The following MMP17 variants were observed in gnomAD, a reference collection of about 807,000 sequenced individuals.
MMP17 encodes the protein matrix metallopeptidase 17, also known as matrix metalloproteinase-17.
Under a neutral mutation model 49.1 loss-of-function variants are expected in MMP17, and 54 were observed. That is an observed-to-expected ratio of 1.10 (90% CI 0.88 to 1.38). The LOEUF is 1.38. Ranked by LOEUF, MMP17 falls within the 40% of genes most tolerant of loss-of-function variation. The probability of loss-of-function intolerance (pLI) is 0.00; values close to 1 mark genes in which losing one functional copy is unlikely to be tolerated. For missense variants in MMP17, 837 were observed against 853.7 expected (o/e 0.98, Z 0.24); for synonymous variants, 397 against 383.1 (o/e 1.04, Z -0.42).
intron 8 of MMP17, among the ~76,000 whole-genome samples, chr12:131,848,160 A>G (rs2136342221): frequency 6.6e-6 from 1 of 152,146 alleles, no homozygotes; most frequent in East Asian, 1.9e-4. Context: ...ATCTCAGCTC[A>G]CTGCGGCCTC....
In MMP17 at chr12:131,850,859, G is replaced by A. The variant is rs532289797; in HGVS notation, c.1463-66G>A. 788 of 1,258,382 alleles carry A rather than the reference G, an allele frequency of 6.3e-4. 5 individuals carry two copies. In the African/African-American group the frequency reaches 0.011, roughly 18 times the overall value. The allele number at this position is 1,258,382 out of a possible 1,614,324, so 78.0% of individuals were successfully genotyped here. On this transcript the variant is annotated intron_variant, in intron 9 of 9. Transcript: ENST00000360564. Reference sequence around the variant, plus strand: ...TCCCTGAGCCCAACGCTCCCTCCTCGCTGTCCGGCTCGAGCCCCTCCTGCT... The same window carrying A: ...TCCCTGAGCCCAACGCTCCCTCCTCACTGTCCGGCTCGAGCCCCTCCTGCT...
chr12:131,850,871 G>A (rs552290655), intron 9 of MMP17, 54 bp from the exon 10 acceptor site: 109 of 1,345,250 alleles, frequency 8.1e-5, no homozygotes, highest in Middle Eastern at 5.8e-4. Flanking sequence ...TGTCCGGCTC[G>A]AGCCCCTCCT....
intron 4 of MMP17, among the ~76,000 whole-genome samples, chr12:131,841,277 CA>C (rs1887393267): frequency 1.3e-5 from 2 of 152,234 alleles, no homozygotes; most frequent in South Asian, 4.1e-4. Context: ...CTTGTGGGGC[CA>C]GGGGTCAGTG....
At position 131,846,837 on chromosome 12, in the gene MMP17, G is replaced by GC. The variant is rs1887724870; in HGVS notation, c.1204+1390dup. 6.6e-6 allele frequency among the ~76,000 whole-genome samples: 1 copy of GC among 152,272 alleles called. No individual in the cohort carries two copies. The highest frequency in any genetic ancestry group is 6.5e-5 in the Admixed American group (1 of 15,298). ...GTCACGGGCGGGACCCCGTTTCCTT[G>GC]CCGAGGTAAAGGGTGTTCTGCGTGT... On this transcript the variant is annotated intron_variant, in intron 8 of 9. Transcript: ENST00000360564. The surrounding 1 kb of genome is among the most constrained non-coding windows in gnomAD (Gnocchi z 4.6).
chr12:131,841,911 C>G (rs1887437234), intron 5 of MMP17, 111 bp downstream of exon 5: 2 of 1,231,234 alleles, frequency 1.6e-6, no homozygotes, highest in Non-Finnish European at 2.2e-6. Flanking sequence ...GCTGTTCCCT[C>G]CACGGATGGT....
At chr12:131,833,940 A>C (rs751346489) in intron 1 of MMP17, among the ~76,000 whole-genome samples, 12 of 152,254 alleles carry the variant, frequency 7.9e-5, no homozygotes, top group Non-Finnish European at 1.8e-4. Flanking sequence ...AAACCGTCAA[A>C]GGGAATTCTG....
intron 6 of MMP17, 117 bp downstream of exon 6, chr12:131,844,198 C>T: frequency 1.3e-6 from 1 of 797,736 alleles, no homozygotes; most frequent in Non-Finnish European, 2.0e-6. Flanking sequence ...AGCTGTGTGG[C>T]CGACTGAGCC....
At chr12:131,847,146 C>T (rs1182896983) in intron 8 of MMP17, among the ~76,000 whole-genome samples, 2 of 150,792 alleles carry the variant, frequency 1.3e-5, no homozygotes, top group South Asian at 2.1e-4. Flanking sequence ...CGCGCAGTGG[C>T]TCACGCCTGC....
In MMP17 at chr12:131,849,829, A is replaced by G; in HGVS notation, c.1232A>G (p.Asn411Ser). 1 of 1,613,834 alleles carries G rather than the reference A, an allele frequency of 6.2e-7. No individual in the cohort carries two copies. The highest frequency in any genetic ancestry group is 8.5e-7 in the Non-Finnish European group (1 of 1,179,954). ...KGDRYWVFKDNNVEEGYPRPV... is the reference protein window; with the variant it reads ...KGDRYWVFKDSNVEEGYPRPV... Reference sequence around the variant, plus strand: ...GACAGGTACTGGGTGTTCAAGGACAATAACGTAGAGGAAGGATACCCGCGC... The same window carrying G: ...GACAGGTACTGGGTGTTCAAGGACAGTAACGTAGAGGAAGGATACCCGCGC... Residue 411 changes from asparagine to serine, a missense_variant, in exon 9 of 10, where the codon AAT (asparagine) becomes AGT (serine). Physicochemically the swap from Asn to Ser is conservative, Grantham distance 46 (BLOSUM62 1). Coordinates refer to ENST00000360564, the MANE Select transcript of MMP17 (RefSeq NM_016155.7).
rs372178302 is a variant in MMP17 at position 131,847,148 on chromosome 12, C to T, written c.1204+1699C>T. On this transcript the variant is annotated intron_variant, in intron 8 of 9. Coordinates refer to ENST00000360564, the MANE Select transcript of MMP17 (RefSeq NM_016155.7). The stretch of plus-strand genomic sequence containing the variant: ...AACCAAAATGTCACGCGCAGTGGCT[C>T]ACGCCTGCAATCCCAGCATTTTGGG... Among the ~76,000 whole-genome samples, 10 of 151,128 alleles carry T rather than the reference C, an allele frequency of 6.6e-5. No individual in the cohort carries two copies. In the South Asian group the frequency reaches 8.3e-4, roughly 13 times the overall value.
At position 131,849,897 on chromosome 12, in the gene MMP17, G is replaced by C; in HGVS notation, c.1300G>C (p.Ala434Pro). ...CCTCCCGCCTGGCGGCATCGACGCTGCCTTCTCCTGGGCCCACAATGACAG... is the reference window on the plus strand; with the variant it reads ...CCTCCCGCCTGGCGGCATCGACGCTCCCTTCTCCTGGGCCCACAATGACAG... ...FSLPPGGIDA[A>P]FSWAHNDRTY... is the part of the protein sequence containing the mutation. Residue 434 changes from alanine (A) to proline (P), a missense_variant, in exon 9 of 10, where the codon GCC becomes CCC. Coordinates refer to ENST00000360564, the MANE Select transcript of MMP17 (RefSeq NM_016155.7). 25 of 1,614,060 alleles carry C rather than the reference G, an allele frequency of 1.5e-5. No homozygotes were observed. Among genetic ancestry groups the C allele is most frequent in the Non-Finnish European group, 2.1e-5 (25 of 1,180,024 alleles).
chr12:131,832,763 A>C (rs932615145), intron 1 of MMP17, among the ~76,000 whole-genome samples: 1 of 152,058 alleles, frequency 6.6e-6, no homozygotes, highest in African/African-American at 2.4e-5. Flanking sequence ...TCCCCTCCTC[A>C]TGTTGGCCCC....
Position 131,840,432 on chromosome 12 carries a change from C to T in MMP17, c.423-141C>T, listed in dbSNP as rs1887326356. The T allele has an allele frequency of 4.6e-6, 4 of 871,854 alleles. No individual in the cohort carries two copies. The Admixed American group carries it at 9.5e-5, about 21-fold the overall frequency. 54.0% of individuals were successfully genotyped at this position (871,854 alleles called of 1,614,324 possible). A position where few individuals can be genotyped will look rare whatever the true frequency, so the allele number is the denominator to read the frequency against. On this transcript the variant is annotated intron_variant, in intron 3 of 9. Transcript: ENST00000360564. ...ACCGCCGTGAGTGCATCGGATGACTCCTGGCGTGGGGAGGAAGGCGGAAGA... is the reference window on the plus strand; with the variant it reads ...ACCGCCGTGAGTGCATCGGATGACTTCTGGCGTGGGGAGGAAGGCGGAAGA...
intron 1 of MMP17, among the ~76,000 whole-genome samples, chr12:131,830,336 G>A (rs758682889): frequency 6.6e-6 from 1 of 152,152 alleles, no homozygotes; most frequent in Non-Finnish European, 1.5e-5. Flanking sequence ...ACCGAGCGGA[G>A]GATGTGGCTC....
Position 131,841,875 on chromosome 12 carries a change from C to T in MMP17, c.883+75C>T, listed in dbSNP as rs908639163. ...AAACCCCAGGCACCCCTGAGCAGAG[C>T]CCCCCCGGGAGGGTTTGCTCTCCCC... On this transcript the variant is annotated intron_variant, in intron 5 of 9. Transcript: ENST00000360564. The T allele has an allele frequency of 7.6e-6, 11 of 1,438,832 alleles. No individual in the cohort carries two copies. The African/African-American group carries it at 9.8e-5, about 13-fold the overall frequency. The allele number at this position is 1,438,832 out of a possible 1,614,324, so 89.1% of individuals were successfully genotyped here.
intron 5 of MMP17, 79 bp downstream of exon 5, chr12:131,841,879 C>A (rs1237697583): frequency 1.4e-6 from 2 of 1,439,402 alleles, no homozygotes; most frequent in African/African-American, 1.4e-5. Context: ...GCAGAGCCCC[C>A]CCGGGAGGGT....
intron 9 of MMP17, 112 bp downstream of exon 9, chr12:131,850,171 T>C (rs1175537342): frequency 3.6e-6 from 5 of 1,391,042 alleles, no homozygotes; most frequent in Non-Finnish European, 4.7e-6. Flanking sequence ...CCCCGGTCGG[T>C]GTGGGCTCTG....
At chr12:131,840,406 A>C in intron 3 of MMP17, 167 bp from the exon 4 acceptor site, 1 of 661,990 alleles carries the variant, frequency 1.5e-6, no homozygotes, top group Non-Finnish European at 2.5e-6. Context: ...GAACTACTGG[A>C]ACCGCCGTGA....
In MMP17 at chr12:131,850,819, C is replaced by T. The variant is rs1887933994; in HGVS notation, c.1463-106C>T. ...CTGCTGTCTGGCCCGACTCGAGCCC[C>T]TTCCGCTGCAGCCCTCCCTGAGCCC... On this transcript the variant is annotated intron_variant, in intron 9 of 9. Coordinates refer to ENST00000360564, the MANE Select transcript of MMP17 (RefSeq NM_016155.7). 1.5e-5 allele frequency: 13 copies of T among 865,096 alleles called. No homozygotes were observed. The South Asian group carries it at 3.3e-4, about 22-fold the overall frequency. 53.6% of individuals were successfully genotyped at this position (865,096 alleles called of 1,614,324 possible).
Sources: gnomAD v4.1 joint callset for allele counts (sites outside exome capture counted in the v4.1 genomes callset) on GRCh38, gnomAD v4.1.1 for gene constraint, Gnocchi (gnomAD v3.1) non-coding constraint, MANE v1.5 for transcripts, NCBI Gene and HGNC (gene_info 2026-07-23, HGNC 2026-07-21) for gene names.